TMOD3: variants seen among roughly 807,000 people sequenced by gnomAD.
TMOD3 encodes the protein tropomodulin 3.
TMOD3 carries 20 observed loss-of-function variants against 39.2 expected under a neutral mutation model. That is an observed-to-expected ratio of 0.51 (90% CI 0.36 to 0.74). The LOEUF is 0.74. Ranked by LOEUF, TMOD3 falls within the 30% of genes least tolerant of loss-of-function variation. TMOD3 has a pLI of 0.00. For missense variants in TMOD3, 381 were observed against 412.8 expected (o/e 0.92, Z 0.67); for synonymous variants, 143 against 145.8 (o/e 0.98, Z 0.14).
rs566111047 is a variant in TMOD3 at position 51,885,935 on chromosome 15, C to T, written c.284-1654C>T. Among the ~76,000 whole-genome samples the T allele has an allele frequency of 2.0e-4, 30 of 149,268 alleles. No individual in the cohort carries two copies. The East Asian group carries it at 3.6e-3, about 18-fold the overall frequency. On this transcript the variant is annotated intron_variant, in intron 3 of 9. Coordinates refer to ENST00000308580, the MANE Select transcript of TMOD3 (RefSeq NM_014547.5). ...CGGGGGCTGCCCCCCACCTCCCTCCCGGACAGGGTGGCTGGCCGGGCAGGG... is the reference window on the plus strand; with the variant it reads ...CGGGGGCTGCCCCCCACCTCCCTCCTGGACAGGGTGGCTGGCCGGGCAGGG...
intron 5 of TMOD3, among the ~76,000 whole-genome samples, chr15:51,891,260 T>C (rs915036545): frequency 1.0e-4 from 15 of 150,680 alleles, no homozygotes; most frequent in Non-Finnish European, 1.2e-4. Context: ...TTTTTTTTTT[T>C]CTGTGCCATT....
At chr15:51,874,782 C>T (rs761890907) in intron 3 of TMOD3, among the ~76,000 whole-genome samples, 14 of 152,106 alleles carry the variant, frequency 9.2e-5, no homozygotes, top group African/African-American at 2.4e-4. Flanking sequence ...TGTTATTTCA[C>T]GGATGGACCA....
At chr15:51,895,609 A>G (rs1441830739) in intron 6 of TMOD3, among the ~76,000 whole-genome samples, 1 of 152,048 alleles carries the variant, frequency 6.6e-6, no homozygotes, top group Non-Finnish European at 1.5e-5. Flanking sequence ...GGGGGAATTG[A>G]AGTCTCAAGA....
At chr15:51,897,207 CACTG>C (rs1209408327) in intron 7 of TMOD3, among the ~76,000 whole-genome samples, 1 of 152,170 alleles carries the variant, frequency 6.6e-6, no homozygotes, top group Non-Finnish European at 1.5e-5. Context: ...TCTCAGTCTA[CACTG>C]ACTTTCTGGG....
At chr15:51,842,078 G>GT (rs1450042898) in intron 1 of TMOD3, among the ~76,000 whole-genome samples, 1 of 152,070 alleles carries the variant, frequency 6.6e-6, no homozygotes, top group Non-Finnish European at 1.5e-5. Flanking sequence ...GCCTGGCCTG[G>GT]TTTGACTTTT....
At chr15:51,859,251 A>G (rs2056403898) in intron 1 of TMOD3, 11 of 742,204 alleles carry the variant, frequency 1.5e-5, no homozygotes, top group Middle Eastern at 2.5e-4. Context: ...TCCCTGCAAC[A>G]TTTTCATTGC....
rs1308795041 is a variant in TMOD3 at position 51,897,798 on chromosome 15, AC to A, written c.735+1273del. 1.6e-3 allele frequency among the ~76,000 whole-genome samples: 246 copies of A among 150,348 alleles called. 7 individuals are homozygous for A. The highest frequency in any genetic ancestry group is 8.8e-3 in the East Asian group (45 of 5,128). The stretch of plus-strand genomic sequence containing the variant: ...ACGCCCAGCAAAAAAAAAAAAAAAA[AC>A]AAAAAACTAATGGAATCATTCTCGA... On this transcript the variant is annotated intron_variant, in intron 7 of 9. Coordinates refer to ENST00000308580, the MANE Select transcript of TMOD3 (RefSeq NM_014547.5).
chr15:51,900,301 C>G lies in TMOD3; in HGVS notation c.879+3C>G. 6.2e-7 allele frequency: 1 copy of G among 1,613,722 alleles called. No homozygotes were observed. The highest frequency in any genetic ancestry group is 1.3e-5 in the African/African-American group (1 of 74,972). ...CAGAGCTCAAGATTGACAATCAGGT[C>G]AATGTTCTACAATAATAACGTCGAG... On this transcript the variant is annotated splice_donor_region_variant and intron_variant, in intron 8 of 9. Coordinates refer to ENST00000308580, the MANE Select transcript of TMOD3 (RefSeq NM_014547.5).
At chr15:51,845,277 T>A (rs2056330332) in intron 1 of TMOD3, among the ~76,000 whole-genome samples, 1 of 152,148 alleles carries the variant, frequency 6.6e-6, no homozygotes, top group Non-Finnish European at 1.5e-5. Flanking sequence ...AAAAGGCTGT[T>A]TGATTTGCCG....
rs147208529 is a variant in TMOD3, at chr15:51,835,456, G to A, written c.-75+5620G>A. ...TATTAATAGCTGGGACTACAGGCAT[G>A]CACCACCATAACTGGCTAATTTTTG... is the stretch of plus-strand genomic sequence containing the variant. On this transcript the variant is annotated intron_variant, in intron 1 of 9. Coordinates refer to ENST00000308580, the MANE Select transcript of TMOD3 (RefSeq NM_014547.5). Among the ~76,000 whole-genome samples, 936 of 152,234 alleles carry A rather than the reference G, an allele frequency of 6.1e-3. 9 individuals are homozygous for A. Among genetic ancestry groups the A allele is most frequent in the African/African-American group, 0.022 (897 of 41,538 alleles).
intron 3 of TMOD3, among the ~76,000 whole-genome samples, chr15:51,881,847 T>C (rs142056166): frequency 9.3e-4 from 142 of 152,200 alleles, no homozygotes; most frequent in African/African-American, 3.3e-3. Flanking sequence ...CTTATGTTTT[T>C]TCCTAAGAGT....
chr15:51,878,376 A>ATGTGTGTGTGTGTGTG (rs10586896), intron 3 of TMOD3, among the ~76,000 whole-genome samples: 6,186 of 147,332 alleles, frequency 0.042, 200 homozygotes, highest in Admixed American at 0.094. Context: ...TTTAAAATAT[A>ATGTGTGTGTGTGTGTG]TGTGTGTGTG....
At chr15:51,897,483 T>A (rs147905311) in intron 7 of TMOD3, among the ~76,000 whole-genome samples, 2 of 45,000 alleles carry the variant, frequency 4.4e-5, no homozygotes, top group Admixed American at 3.1e-4. Flanking sequence ...AAAAAAAAAA[T>A]TTTTTTTTTT....
At chr15:51,831,767 C>T (rs1227484038) in intron 1 of TMOD3, among the ~76,000 whole-genome samples, 2 of 151,702 alleles carry the variant, frequency 1.3e-5, no homozygotes, top group African/African-American at 2.4e-5. Flanking sequence ...CTCTCCTCCT[C>T]TTCCTTCCTT....
At chr15:51,842,989 C>G (rs1229835978) in intron 1 of TMOD3, among the ~76,000 whole-genome samples, 2 of 152,136 alleles carry the variant, frequency 1.3e-5, no homozygotes, top group African/African-American at 4.8e-5. Context: ...AATGCCTTCA[C>G]CATGTAAGAG....
At chr15:51,840,523 G>T (rs572178547) in intron 1 of TMOD3, among the ~76,000 whole-genome samples, 1 of 152,088 alleles carries the variant, frequency 6.6e-6, no homozygotes, top group Non-Finnish European at 1.5e-5. Flanking sequence ...CTTATTTTAC[G>T]GATGAGAAAA....
chr15:51,830,101 C>T (rs2056246733), intron 1 of TMOD3, among the ~76,000 whole-genome samples: 1 of 152,092 alleles, frequency 6.6e-6, no homozygotes, highest in South Asian at 2.1e-4. Flanking sequence ...CACCCGCGGC[C>T]CGGGCGCCCG....
At chr15:51,888,459 A>C (rs536073494) in intron 4 of TMOD3, among the ~76,000 whole-genome samples, 2 of 152,362 alleles carry the variant, frequency 1.3e-5, no homozygotes, top group East Asian at 3.9e-4. Flanking sequence ...CATTCACCAG[A>C]GTGGAATGAG....
intron 1 of TMOD3, among the ~76,000 whole-genome samples, chr15:51,834,326 T>G (rs1017494558): frequency 9.2e-5 from 14 of 152,168 alleles, no homozygotes; most frequent in African/African-American, 3.4e-4. Flanking sequence ...ATGGCTAGTG[T>G]TTTTTGTCCT....
Sources: allele counts gnomAD v4.1 joint callset (sites outside exome capture counted in the v4.1 genomes callset), GRCh38; gene constraint gnomAD v4.1.1; transcripts MANE v1.5; gene names NCBI Gene and HGNC (gene_info 2026-07-23, HGNC 2026-07-21).